GRM3: variants seen among roughly 807,000 people sequenced by gnomAD.
GRM3 encodes metabotropic glutamate receptor 3.
In GRM3, 26 loss-of-function variants were observed where a neutral mutation model predicts 70.5. The observed-to-expected ratio is 0.37, with a 90% CI of 0.27 to 0.51. GRM3 has a LOEUF of 0.51. GRM3 is among the 20% of genes least tolerant of loss of function. The pLI is 0.93. For missense variants in GRM3, 859 were observed against 1,123.8 expected, an observed-to-expected ratio of 0.76 and a Z score of 3.37; for synonymous variants, 443 against 434.9, an observed-to-expected ratio of 1.02 and a Z score of -0.23.
At chr7:86,840,468 T>C (rs530023683) in intron 4 of GRM3, among the ~76,000 whole-genome samples, 4 of 152,290 alleles carry the variant, frequency 2.6e-5, no homozygotes, top group South Asian at 2.1e-4. Context: ...TATGTACATA[T>C]ATATTTTTCT....
chr7:86,709,569 G>C (rs188480242), intron 1 of GRM3, among the ~76,000 whole-genome samples: 29 of 152,146 alleles, frequency 1.9e-4, no homozygotes, highest in Admixed American at 7.9e-4. Context: ...TACCTTCGGG[G>C]GGGTGGGGGT....
intron 1 of GRM3, among the ~76,000 whole-genome samples, chr7:86,708,794 G>A (rs1053722225): frequency 2.6e-5 from 4 of 152,034 alleles, no homozygotes; most frequent in Non-Finnish European, 5.9e-5. Context: ...CATAACTGAG[G>A]CTGGCCAGAG....
At chr7:86,808,031 A>C (rs1044422368) in intron 3 of GRM3, among the ~76,000 whole-genome samples, 1 of 152,132 alleles carries the variant, frequency 6.6e-6, no homozygotes, top group Non-Finnish European at 1.5e-5. Context: ...GGTTCTGTTT[A>C]TATGATGGAT....
intron 1 of GRM3, among the ~76,000 whole-genome samples, chr7:86,671,579 GAATTA>G (rs1463910568): frequency 6.6e-6 from 1 of 152,112 alleles, no homozygotes; most frequent in African/African-American, 2.4e-5. Flanking sequence ...CTACTGAAAT[GAATTA>G]TTTCAAGTTA....
intron 3 of GRM3, among the ~76,000 whole-genome samples, chr7:86,804,112 A>G (rs1294761724): frequency 6.6e-6 from 1 of 152,202 alleles, no homozygotes; most frequent in Admixed American, 6.5e-5. Flanking sequence ...ATGTTCCTTC[A>G]GCTTGCAATG....
In GRM3 at chr7:86,659,886, G is replaced by T. The variant is rs73398405; in HGVS notation, c.-141+15014G>T. 2.6e-3 allele frequency among the ~76,000 whole-genome samples: 398 copies of T among 152,114 alleles called. 2 individuals carry two copies. Among genetic ancestry groups the T allele is most frequent in the African/African-American group, 9.0e-3 (376 of 41,554 alleles). The stretch of plus-strand genomic sequence containing the variant: ...ATATTTTAATCTTCACATTAAAAGA[G>T]AAGAGGGTGAATTTGAAGCAAAAAA... On this transcript the variant is annotated intron_variant, in intron 1 of 5. Transcript: ENST00000361669.
At chr7:86,744,515 A>G (rs1353574455) in intron 1 of GRM3, among the ~76,000 whole-genome samples, 1 of 151,604 alleles carries the variant, frequency 6.6e-6, no homozygotes. Flanking sequence ...ATGAGGTTCC[A>G]AGGCAGGAGT....
intron 1 of GRM3, among the ~76,000 whole-genome samples, chr7:86,649,755 A>G (rs1793562800): frequency 6.6e-6 from 1 of 152,146 alleles, no homozygotes; most frequent in Non-Finnish European, 1.5e-5. Flanking sequence ...AGATTCCTCT[A>G]AGAAAGAGTC....
intron 1 of GRM3, among the ~76,000 whole-genome samples, chr7:86,671,745 CT>C (rs1794178233): frequency 6.6e-6 from 1 of 152,200 alleles, no homozygotes; most frequent in African/African-American, 2.4e-5. Flanking sequence ...ATTCAATTCT[CT>C]CAGATAATTA....
At chr7:86,808,919 A>G (rs1176529123) in intron 3 of GRM3, among the ~76,000 whole-genome samples, 3 of 149,000 alleles carry the variant, frequency 2.0e-5, no homozygotes, top group East Asian at 3.9e-4. Flanking sequence ...AGAGCCTTGT[A>G]AGGATTTTGG....
At chr7:86,797,478 T>C (rs1797575987) in intron 3 of GRM3, among the ~76,000 whole-genome samples, 1 of 152,186 alleles carries the variant, frequency 6.6e-6, no homozygotes, top group African/African-American at 2.4e-5. Flanking sequence ...ATTTAGGGTA[T>C]CTGGCAGAAG....
In GRM3 at chr7:86,736,222, T is replaced by C. The variant is rs538081997; in HGVS notation, c.-140-28784T>C. ...GGGGAAGGTGTTGTCAAGATCCTCA[T>C]GGGAAGGCAGGTAGGCAAACGAGGA... On this transcript the variant is annotated intron_variant, in intron 1 of 5. Coordinates refer to ENST00000361669, the MANE Select transcript of GRM3 (RefSeq NM_000840.3). Among the ~76,000 whole-genome samples the C allele has an allele frequency of 7.1e-4, 108 of 152,152 alleles. 1 individual carries two copies. Among genetic ancestry groups the C allele is most frequent in the African/African-American group, 2.1e-3 (89 of 41,524 alleles).
At chr7:86,829,150 C>T (rs902919789) in intron 3 of GRM3, among the ~76,000 whole-genome samples, 4 of 152,228 alleles carry the variant, frequency 2.6e-5, no homozygotes, top group Admixed American at 2.6e-4. Context: ...AAGTCTTGAG[C>T]CCTTCAAAGT....
At chr7:86,668,790 G>A (rs1794097268) in intron 1 of GRM3, among the ~76,000 whole-genome samples, 1 of 152,098 alleles carries the variant, frequency 6.6e-6, no homozygotes, top group Non-Finnish European at 1.5e-5. Context: ...GCAAACTATT[G>A]TCGTTTTCCC....
intron 4 of GRM3, among the ~76,000 whole-genome samples, chr7:86,848,543 T>C (rs890057461): frequency 2.0e-5 from 3 of 152,044 alleles, no homozygotes; most frequent in African/African-American, 7.2e-5. Context: ...CTTGAGTGAG[T>C]TGACTGGGAG....
At chr7:86,816,366 T>C (rs1798014853) in intron 3 of GRM3, among the ~76,000 whole-genome samples, 1 of 151,832 alleles carries the variant, frequency 6.6e-6, no homozygotes, top group Non-Finnish European at 1.5e-5. Context: ...GTCACAGGGA[T>C]TTGGCATACA....
intron 1 of GRM3, among the ~76,000 whole-genome samples, chr7:86,720,516 T>C (rs1323306195): frequency 6.6e-6 from 1 of 152,070 alleles, no homozygotes; most frequent in Non-Finnish European, 1.5e-5. Flanking sequence ...TACACTGATA[T>C]AGAATACCAG....
chr7:86,720,216 A>T (rs1396270934), intron 1 of GRM3, among the ~76,000 whole-genome samples: 1 of 151,990 alleles, frequency 6.6e-6, no homozygotes, highest in African/African-American at 2.4e-5. Flanking sequence ...ATAAAGAAAA[A>T]TGAGGCTTTT....
rs570784350 is a variant in GRM3, at chr7:86,698,520, T to TTATATATATATATA, written c.-141+53653_-141+53666dup. On this transcript the variant is annotated intron_variant, in intron 1 of 5. Transcript: ENST00000361669. ...AAAGAGTCCCATGTCTAAAAAGTAT[T>TTATATATATATATA]TATATATATATATATATAAAATACA... 5.6e-5 allele frequency among the ~76,000 whole-genome samples: 8 copies of TTATATATATATATA among 142,160 alleles called. 1 individual carries two copies. The highest frequency in any genetic ancestry group is 1.1e-4 in the African/African-American group (4 of 37,378). The allele number at this position is 142,160 out of a possible 152,430, so 93.3% of individuals were successfully genotyped here. A position where few individuals can be genotyped will look rare whatever the true frequency, so the allele number is the denominator to read the frequency against.
Sources: allele counts gnomAD v4.1 joint callset (sites outside exome capture counted in the v4.1 genomes callset), GRCh38; gene constraint gnomAD v4.1.1; transcripts MANE v1.5; gene names NCBI Gene and HGNC (gene_info 2026-07-23, HGNC 2026-07-21).